Variants in LLPH observed in about 807,000 individuals in gnomAD.
LLPH encodes protein LLP homolog.
A neutral mutation model predicts 13.3 loss-of-function variants in LLPH; 5 were observed. The observed-to-expected ratio is 0.38, with a 90% CI of 0.20 to 0.79. The LOEUF is 0.79. Among genes scored for constraint, LLPH ranks in the 30% least tolerant of loss-of-function variants. The pLI, the probability that LLPH is intolerant of heterozygous loss-of-function variation, is 0.45. For synonymous variants in LLPH, 32 were observed against 44.2 expected (o/e 0.72, Z 1.09); for missense variants, 129 against 152.1 (o/e 0.85, Z 0.80).
At position 66,123,718 on chromosome 12, in the gene LLPH, G is replaced by C; in HGVS notation, c.*122C>G. On this transcript the variant is annotated 3_prime_UTR_variant, in exon 3 of 3. Coordinates refer to ENST00000266604, the MANE Select transcript of LLPH (RefSeq NM_032338.4). ...TGCTGGGTTTGAATTGAAGAAAAAAGGCCAAGTTAAAATAGGAAAACAAAT... is the reference window on the plus strand; with the variant it reads ...TGCTGGGTTTGAATTGAAGAAAAAACGCCAAGTTAAAATAGGAAAACAAAT... 1 of 1,055,588 alleles carries C rather than the reference G, an allele frequency of 9.5e-7. No homozygotes were observed. Among genetic ancestry groups the C allele is most frequent in the Non-Finnish European group, 1.4e-6 (1 of 729,646 alleles). The allele number at this position is 1,055,588 out of a possible 1,614,324, so 65.4% of individuals were successfully genotyped here.
rs34661421 is a variant in LLPH, at chr12:66,118,363, C to CA, written c.*5476dup. 0.43 allele frequency: 51,105 copies of CA among 119,564 alleles called. 10,988 individuals carry two copies. The highest frequency in any genetic ancestry group is 0.58 in the East Asian group (2,459 of 4,218). 7.4% of individuals were successfully genotyped at this position (119,564 alleles called of 1,614,324 possible). A position where few individuals can be genotyped will look rare whatever the true frequency, so the allele number is the denominator to read the frequency against. Reference sequence around the variant, plus strand: ...GGGCAACAAGAGTGAAACTCCGTCTCAAAAAAAAAAAAAAAAAATATACAG... The same window carrying CA: ...GGGCAACAAGAGTGAAACTCCGTCTCAAAAAAAAAAAAAAAAAAATATACAG... On this transcript the variant is annotated 3_prime_UTR_variant, in exon 3 of 3. Coordinates refer to ENST00000266604, the MANE Select transcript of LLPH (RefSeq NM_032338.4).
At position 66,119,797 on chromosome 12, in the gene LLPH, G is replaced by A. The variant is rs2051451510; in HGVS notation, c.*4043C>T. 6.6e-6 allele frequency: 1 copy of A among 152,118 alleles called. No individual in the cohort carries two copies. The highest frequency in any genetic ancestry group is 1.5e-5 in the Non-Finnish European group (1 of 68,034). The allele number at this position is 152,118 out of a possible 1,614,324, so 9.4% of individuals were successfully genotyped here. On this transcript the variant is annotated 3_prime_UTR_variant, in exon 3 of 3. Coordinates refer to ENST00000266604, the MANE Select transcript of LLPH (RefSeq NM_032338.4). ...TTGCTGCCCCTCACCATCACCACCA[G>A]TCCATTTCAGATATTTGATTCAAGT...
At position 66,123,433 on chromosome 12, in the gene LLPH, G is replaced by GT. The variant is rs1452532382; in HGVS notation, c.*406dup. 6.0e-6 allele frequency: 1 copy of GT among 165,932 alleles called. No individual in the cohort carries two copies. The highest frequency in any genetic ancestry group is 1.3e-5 in the Non-Finnish European group (1 of 77,028). 10.3% of individuals were successfully genotyped at this position (165,932 alleles called of 1,614,324 possible). A position where few individuals can be genotyped will look rare whatever the true frequency, so the allele number is the denominator to read the frequency against. ...AGCCACCATGCCCAGCCCTAATGTAGTATTTTTAAATGATATGATTATACA... is the reference window on the plus strand; with the variant it reads ...AGCCACCATGCCCAGCCCTAATGTAGTTATTTTTAAATGATATGATTATACA... On this transcript the variant is annotated 3_prime_UTR_variant, in exon 3 of 3. Transcript: ENST00000266604.
rs1248642854 is a variant in LLPH at position 66,119,249 on chromosome 12, C to A, written c.*4591G>T. ...TATACATAAAGCATTTAAGAGAGTA[C>A]GCATTCTCTAAATGTTGGCTGTTGG... On this transcript the variant is annotated 3_prime_UTR_variant, in exon 3 of 3. Coordinates refer to ENST00000266604, the MANE Select transcript of LLPH (RefSeq NM_032338.4). 1.3e-5 allele frequency: 2 copies of A among 152,164 alleles called. No individual in the cohort carries two copies. The highest frequency in any genetic ancestry group is 3.8e-4 in the East Asian group (2 of 5,202). 9.4% of individuals were successfully genotyped at this position (152,164 alleles called of 1,614,324 possible). A position where few individuals can be genotyped will look rare whatever the true frequency, so the allele number is the denominator to read the frequency against.
rs1405029711 is a variant in LLPH, at chr12:66,121,050, GTTAAC to G, written c.*2785_*2789del. ...TAATGGTGCTTTGATTTTTGATTTT[GTTAAC>G]TTTCAAGTTAAATCCTGAATGGACA... On this transcript the variant is annotated 3_prime_UTR_variant, in exon 3 of 3. Transcript: ENST00000266604. The G allele has an allele frequency of 2.6e-5, 4 of 152,110 alleles. No individual in the cohort carries two copies. Among genetic ancestry groups the G allele is most frequent in the Non-Finnish European group, 5.9e-5 (4 of 68,016 alleles). The allele number at this position is 152,110 out of a possible 1,614,324, so 9.4% of individuals were successfully genotyped here.
chr12:66,124,843 G>C (rs2051486376), intron 2 of LLPH, among the ~76,000 whole-genome samples: 1 of 152,142 alleles, frequency 6.6e-6, no homozygotes, highest in African/African-American at 2.4e-5. Context: ...TGAACTCCTA[G>C]CCCTCACGGA....
Position 66,123,616 on chromosome 12 carries a change from A to G in LLPH, c.*224T>C, listed in dbSNP as rs1361925314. ...TATAACTGGATATTGGGTAGCATCCAGTTAAAGTATCAGTAGAGCTTGGAT... is the reference window on the plus strand; with the variant it reads ...TATAACTGGATATTGGGTAGCATCCGGTTAAAGTATCAGTAGAGCTTGGAT... On this transcript the variant is annotated 3_prime_UTR_variant, in exon 3 of 3. Coordinates refer to ENST00000266604, the MANE Select transcript of LLPH (RefSeq NM_032338.4). 4 of 535,078 alleles carry G rather than the reference A, an allele frequency of 7.5e-6. No individual in the cohort carries two copies. The highest frequency in any genetic ancestry group is 1.3e-5 in the Non-Finnish European group (4 of 303,466). 33.1% of individuals were successfully genotyped at this position (535,078 alleles called of 1,614,324 possible).
At chr12:66,127,311 A>G (rs2051503646) in intron 2 of LLPH, among the ~76,000 whole-genome samples, 1 of 152,264 alleles carries the variant, frequency 6.6e-6, no homozygotes, top group Non-Finnish European at 1.5e-5. Flanking sequence ...TGGTACATGC[A>G]ATGGACTATT....
At chr12:66,126,240 C>T (rs542871455) in intron 2 of LLPH, among the ~76,000 whole-genome samples, 26 of 151,322 alleles carry the variant, frequency 1.7e-4, no homozygotes, top group African/African-American at 4.9e-4. Context: ...AGGAGAATGG[C>T]GCGAACCCGG....
In LLPH at chr12:66,119,305, G is replaced by A. The variant is rs2051448408; in HGVS notation, c.*4535C>T. 1.3e-5 allele frequency: 2 copies of A among 152,152 alleles called. No homozygotes were observed. The allele number at this position is 152,152 out of a possible 1,614,324, so 9.4% of individuals were successfully genotyped here. A position where few individuals can be genotyped will look rare whatever the true frequency, so the allele number is the denominator to read the frequency against. On this transcript the variant is annotated 3_prime_UTR_variant, in exon 3 of 3. Transcript: ENST00000266604. ...TTTTACTGCTTGCCTACCAAATTAA[G>A]CTTATTTGGCAACACATTGTATTTT... is the stretch of plus-strand genomic sequence containing the variant.
At position 66,117,804 on chromosome 12, in the gene LLPH, T is replaced by C. The variant is rs911248688; in HGVS notation, c.*6036A>G. 2 of 140,908 alleles carry C rather than the reference T, an allele frequency of 1.4e-5. No homozygotes were observed. Among genetic ancestry groups the C allele is most frequent in the African/African-American group, 5.3e-5 (2 of 37,804 alleles). The allele number at this position is 140,908 out of a possible 1,614,324, so 8.7% of individuals were successfully genotyped here. A position where few individuals can be genotyped will look rare whatever the true frequency, so the allele number is the denominator to read the frequency against. The stretch of plus-strand genomic sequence containing the variant: ...GGAGGCTAATGTGTTTGTGTCTTAG[T>C]TTTTAACAAAAAAACTTAAGAAGTA... On this transcript the variant is annotated 3_prime_UTR_variant, in exon 3 of 3. Coordinates refer to ENST00000266604, the MANE Select transcript of LLPH (RefSeq NM_032338.4).
chr12:66,128,644 T>C (rs1322587360), intron 2 of LLPH, among the ~76,000 whole-genome samples: 4 of 152,090 alleles, frequency 2.6e-5, no homozygotes, highest in Non-Finnish European at 5.9e-5. Context: ...AACATATGTA[T>C]ATACATGAAC....
rs994218232 is a variant in LLPH at position 66,122,728 on chromosome 12, A to G, written c.*1112T>C. On this transcript the variant is annotated 3_prime_UTR_variant, in exon 3 of 3. Coordinates refer to ENST00000266604, the MANE Select transcript of LLPH (RefSeq NM_032338.4). ...AGGACTATTCTAATCCTAAACTAAA[A>G]TCTTTTGTAAATCTTCAAGTATGTA... The G allele has an allele frequency of 2.6e-5, 4 of 152,310 alleles. No homozygotes were observed. Among genetic ancestry groups the G allele is most frequent in the Admixed American group, 2.6e-4 (4 of 15,308 alleles). The allele number at this position is 152,310 out of a possible 1,614,324, so 9.4% of individuals were successfully genotyped here. A position where few individuals can be genotyped will look rare whatever the true frequency, so the allele number is the denominator to read the frequency against.
chr12:66,125,463 G>A (rs2051490273), intron 2 of LLPH, among the ~76,000 whole-genome samples: 1 of 152,060 alleles, frequency 6.6e-6, no homozygotes, highest in African/African-American at 2.4e-5. Context: ...TGAACTTGAG[G>A]GTAGAGATGA....
rs1248396176 is a variant in LLPH, at chr12:66,128,904, T to C, written c.203A>G (p.Asp68Gly). 3 of 1,599,036 alleles carry C rather than the reference T, an allele frequency of 1.9e-6. No homozygotes were observed. The highest frequency in any genetic ancestry group is 2.6e-6 in the Non-Finnish European group (3 of 1,168,088). The change falls in exon 2 of 3, where the codon GAT becomes GGT. Residue 68 changes from aspartate to glycine, a missense_variant. Asp to Gly is a moderately conservative substitution (Grantham distance 94). Coordinates refer to ENST00000266604, the MANE Select transcript of LLPH (RefSeq NM_032338.4). ...AGGAGAAGCACACTCACCTTTTTCA[T>C]CTTTTACCTCACATTGCATTTTCTC... Reference protein sequence around the residue: ...CQEKMQCEVKDEKDDMKMETD... With the variant: ...CQEKMQCEVKGEKDDMKMETD...
At chr12:66,125,610 T>C (rs970493843) in intron 2 of LLPH, among the ~76,000 whole-genome samples, 6 of 152,038 alleles carry the variant, frequency 3.9e-5, no homozygotes, top group African/African-American at 1.5e-4. Flanking sequence ...AATTTCTCTC[T>C]GGGGATGATG....
At position 66,118,904 on chromosome 12, in the gene LLPH, A is replaced by G. The variant is rs2051446423; in HGVS notation, c.*4936T>C. 6.6e-6 allele frequency: 1 copy of G among 152,124 alleles called. No individual in the cohort carries two copies. Among genetic ancestry groups the G allele is most frequent in the African/African-American group, 2.4e-5 (1 of 41,418 alleles). The allele number at this position is 152,124 out of a possible 1,614,324, so 9.4% of individuals were successfully genotyped here. A position where few individuals can be genotyped will look rare whatever the true frequency, so the allele number is the denominator to read the frequency against. ...AATCCCCGATAGATTCTGAAGGATA[A>G]CTCTACAGTGTTTGAATCCATTTTG... is the stretch of plus-strand genomic sequence containing the variant. On this transcript the variant is annotated 3_prime_UTR_variant, in exon 3 of 3. Transcript: ENST00000266604.
intron 2 of LLPH, among the ~76,000 whole-genome samples, chr12:66,126,888 G>A (rs2051500736): frequency 6.6e-6 from 1 of 151,138 alleles, no homozygotes; most frequent in African/African-American, 2.4e-5. Context: ...CCGAGATCAT[G>A]CCACTGCACT....
In LLPH at chr12:66,121,631, T is replaced by A. The variant is rs1293539732; in HGVS notation, c.*2209A>T. 1 of 151,244 alleles carries A rather than the reference T, an allele frequency of 6.6e-6. No individual in the cohort carries two copies. The highest frequency in any genetic ancestry group is 2.4e-5 in the African/African-American group (1 of 41,248). The allele number at this position is 151,244 out of a possible 1,614,324, so 9.4% of individuals were successfully genotyped here. On this transcript the variant is annotated 3_prime_UTR_variant, in exon 3 of 3. Coordinates refer to ENST00000266604, the MANE Select transcript of LLPH (RefSeq NM_032338.4). ...CGGGTGTGGTGGCTCACGCATGTAA[T>A]CCCACCACTTTGGGAGGCTGGGGCA... is the stretch of plus-strand genomic sequence containing the variant.
Sources: gnomAD v4.1 joint callset for allele counts (sites outside exome capture counted in the v4.1 genomes callset) on GRCh38, gnomAD v4.1.1 for gene constraint, MANE v1.5 for transcripts, NCBI Gene and HGNC (gene_info 2026-07-23, HGNC 2026-07-21) for gene names.